Variants in MVB12B observed in about 807,000 individuals in gnomAD.
The protein encoded by MVB12B is multivesicular body subunit 12B, also known as ESCRT-I complex subunit MVB12B.
In MVB12B, 16 loss-of-function variants were observed where a neutral mutation model predicts 41.6. That is an observed-to-expected ratio of 0.38 (90% CI 0.26 to 0.58). The LOEUF is 0.58. Ranked by LOEUF, MVB12B falls within the 20% of genes least tolerant of loss-of-function variation. The pLI, the probability that MVB12B is intolerant of heterozygous loss-of-function variation, is 0.62. For synonymous variants in MVB12B, 133 were observed against 139.7 expected (o/e 0.95, Z 0.34); for missense variants, 274 against 380.2 (o/e 0.72, Z 2.32).
rs1215758018 is a variant in MVB12B, at chr9:126,480,107, T to C, written c.758-1262T>C. On this transcript the variant is annotated intron_variant, in intron 7 of 9. Coordinates refer to ENST00000361171, the MANE Select transcript of MVB12B (RefSeq NM_033446.3). This position sits in a 1 kb window ranked among gnomAD's most constrained non-coding sequence, Gnocchi z 4.9. ...AGCGCACTGCCCGACGCTGCCCCCA[T>C]GCTCTACCTTGCTTCCATTGTGCTC... Among the ~76,000 whole-genome samples the C allele has an allele frequency of 6.6e-6, 1 of 152,160 alleles. No homozygotes were observed.
At chr9:126,454,566 C>T (rs1264589397) in intron 7 of MVB12B, among the ~76,000 whole-genome samples, 3 of 152,200 alleles carry the variant, frequency 2.0e-5, no homozygotes, top group Admixed American at 1.3e-4. Context: ...AAAGGAGTGC[C>T]CTATTCAAGC....
intron 2 of MVB12B, among the ~76,000 whole-genome samples, chr9:126,351,298 T>C (rs369295920): frequency 1.2e-4 from 18 of 152,284 alleles, no homozygotes; most frequent in African/African-American, 3.4e-4. Context: ...TTTTTTCTTA[T>C]GATTCCTTGT....
Position 126,459,945 on chromosome 9 carries a change from G to A in MVB12B, c.758-21424G>A, listed in dbSNP as rs141498093. ...CTTGTTGGGAAGCAGCTTCCCCTGCGATTTGGGGCATGTGCTTTGGACTTT... is the reference window on the plus strand; with the variant it reads ...CTTGTTGGGAAGCAGCTTCCCCTGCAATTTGGGGCATGTGCTTTGGACTTT... On this transcript the variant is annotated intron_variant, in intron 7 of 9. Transcript: ENST00000361171. This position sits in a 1 kb window ranked among gnomAD's most constrained non-coding sequence, Gnocchi z 4.3. Among the ~76,000 whole-genome samples the A allele has an allele frequency of 1.1e-4, 16 of 152,312 alleles. No individual in the cohort carries two copies. The East Asian group carries it at 2.9e-3, about 28-fold the overall frequency.
chr9:126,419,326 C>A (rs995144187), intron 6 of MVB12B, among the ~76,000 whole-genome samples: 6 of 152,198 alleles, frequency 3.9e-5, no homozygotes, highest in Admixed American at 1.3e-4. Context: ...TACCCTGGAT[C>A]CTTTTAGTCA....
intron 8 of MVB12B, among the ~76,000 whole-genome samples, chr9:126,481,836 A>G (rs913522429): frequency 6.6e-6 from 1 of 152,332 alleles, no homozygotes; most frequent in Admixed American, 6.5e-5. Flanking sequence ...CAACTTAGTA[A>G]GTTTTGTTCT....
rs1377770299 is a variant in MVB12B at position 126,389,712 on chromosome 9, C to T, written c.410-2354C>T. Among the ~76,000 whole-genome samples, 3 of 152,042 alleles carry T rather than the reference C, an allele frequency of 2.0e-5. No individual in the cohort carries two copies. The East Asian group carries it at 5.8e-4, about 29-fold the overall frequency. On this transcript the variant is annotated intron_variant, in intron 4 of 9. Transcript: ENST00000361171. The surrounding 1 kb of genome is among the most constrained non-coding windows in gnomAD (Gnocchi z 4.4). ...GATCAGCTGATAATCTTTGAAGTTGCAGAGTTGCCATGAGCAGCGCCCCCA... is the reference window on the plus strand; with the variant it reads ...GATCAGCTGATAATCTTTGAAGTTGTAGAGTTGCCATGAGCAGCGCCCCCA...
At chr9:126,430,710 A>G (rs1174296420) in intron 7 of MVB12B, among the ~76,000 whole-genome samples, 1 of 151,398 alleles carries the variant, frequency 6.6e-6, no homozygotes, top group East Asian at 2.0e-4. Flanking sequence ...TGCTGCCCTG[A>G]TAGGGCATTT....
intron 6 of MVB12B, among the ~76,000 whole-genome samples, chr9:126,407,081 A>G (rs1309122442): frequency 1.8e-4 from 27 of 152,178 alleles, no homozygotes; most frequent in Admixed American, 1.8e-3. Context: ...CTCTTGGGTT[A>G]TCAGTGGTCA....
intron 6 of MVB12B, among the ~76,000 whole-genome samples, chr9:126,417,124 A>G (rs1831848474): frequency 6.6e-6 from 1 of 152,206 alleles, no homozygotes; most frequent in Non-Finnish European, 1.5e-5. Context: ...GCTATTTGCC[A>G]TGTAGGGAGG....
At chr9:126,369,797 G>A (rs1255457539) in intron 2 of MVB12B, among the ~76,000 whole-genome samples, 2 of 152,110 alleles carry the variant, frequency 1.3e-5, no homozygotes, top group South Asian at 2.1e-4. Context: ...GGGATTATAG[G>A]CATGTGCCAC....
At position 126,376,417 on chromosome 9, in the gene MVB12B, T is replaced by A. The variant is rs1406988348; in HGVS notation, c.205-4647T>A. 1.0e-6 allele frequency: 1 copy of A among 964,782 alleles called. No individual in the cohort carries two copies. 59.8% of individuals were successfully genotyped at this position (964,782 alleles called of 1,614,324 possible). On this transcript the variant is annotated intron_variant, in intron 2 of 9. Transcript: ENST00000361171. This position sits in a 1 kb window ranked among gnomAD's most constrained non-coding sequence, Gnocchi z 4.1. ...GTCTGAGCCTGTCCCCAGTGCCTGGTGACCCTTTGTTGTGGGTTGGGATTT... is the reference window on the plus strand; with the variant it reads ...GTCTGAGCCTGTCCCCAGTGCCTGGAGACCCTTTGTTGTGGGTTGGGATTT...
At chr9:126,466,079 C>G (rs1833193348) in intron 7 of MVB12B, among the ~76,000 whole-genome samples, 1 of 152,210 alleles carries the variant, frequency 6.6e-6, no homozygotes. Flanking sequence ...ACAAACCACC[C>G]TAAAACTTAG....
At chr9:126,339,989 C>T (rs1365126183) in intron 1 of MVB12B, among the ~76,000 whole-genome samples, 1 of 152,174 alleles carries the variant, frequency 6.6e-6, no homozygotes. Context: ...AACACCATTC[C>T]TTCACCTGAG....
intron 9 of MVB12B, among the ~76,000 whole-genome samples, chr9:126,502,495 C>A (rs1833978831): frequency 6.6e-6 from 1 of 152,192 alleles, no homozygotes; most frequent in African/African-American, 2.4e-5. Context: ...TTAACTCCTG[C>A]CCCCAGACAG....
At chr9:126,481,143 G>T in intron 7 of MVB12B, 1 of 569,112 alleles carries the variant, frequency 1.8e-6, no homozygotes. Flanking sequence ...ACAACTGCCT[G>T]GTGCTCAGGG....
At chr9:126,381,242 A>T in intron 3 of MVB12B, 71 bp downstream of exon 3, 1 of 1,113,064 alleles carries the variant, frequency 9.0e-7, no homozygotes, top group Middle Eastern at 2.2e-4. Flanking sequence ...GAATTTCCTC[A>T]TTTTGTTGTT....
Position 126,372,183 on chromosome 9 carries a change from G to C in MVB12B, c.205-8881G>C, listed in dbSNP as rs573991693. Among the ~76,000 whole-genome samples the C allele has an allele frequency of 1.2e-4, 19 of 152,274 alleles. 1 individual carries two copies. The South Asian group carries it at 3.7e-3, about 30-fold the overall frequency. On this transcript the variant is annotated intron_variant, in intron 2 of 9. Transcript: ENST00000361171. ...TATTTTATTTAGCAAACTGTTTTCAGGGTTCTTCTAAGTTGCATTATGTAT... is the reference window on the plus strand; with the variant it reads ...TATTTTATTTAGCAAACTGTTTTCACGGTTCTTCTAAGTTGCATTATGTAT...
intron 7 of MVB12B, among the ~76,000 whole-genome samples, chr9:126,461,349 C>T (rs1588190950): frequency 6.6e-6 from 1 of 151,926 alleles, no homozygotes; most frequent in Admixed American, 6.6e-5. Flanking sequence ...TTAAAACAAT[C>T]GAGAAACAAT....
rs1376539526 is a variant in MVB12B at position 126,473,303 on chromosome 9, C to G, written c.758-8066C>G. 6.6e-6 allele frequency among the ~76,000 whole-genome samples: 1 copy of G among 152,178 alleles called. No homozygotes were observed. The highest frequency in any genetic ancestry group is 2.4e-5 in the African/African-American group (1 of 41,426). Reference sequence around the variant, plus strand: ...CAGCCCCTCCTTCCCTGCCATAGCCCCCCATAGCCCCAGAGCAGGTTACAC... The same window carrying G: ...CAGCCCCTCCTTCCCTGCCATAGCCGCCCATAGCCCCAGAGCAGGTTACAC... On this transcript the variant is annotated intron_variant, in intron 7 of 9. Coordinates refer to ENST00000361171, the MANE Select transcript of MVB12B (RefSeq NM_033446.3). This position sits in a 1 kb window ranked among gnomAD's most constrained non-coding sequence, Gnocchi z 4.0.
Sources: gnomAD v4.1 joint callset for allele counts (sites outside exome capture counted in the v4.1 genomes callset) on GRCh38, gnomAD v4.1.1 for gene constraint, Gnocchi (gnomAD v3.1) non-coding constraint, MANE v1.5 for transcripts, NCBI Gene and HGNC (gene_info 2026-07-23, HGNC 2026-07-21) for gene names.